Variants in USP34 observed in about 807,000 individuals in gnomAD.
USP34 encodes ubiquitin specific peptidase 34, also known as ubiquitin carboxyl-terminal hydrolase 34.
A neutral mutation model predicts 460.3 loss-of-function variants in USP34; 70 were observed. That is an observed-to-expected ratio of 0.15 (90% confidence interval 0.13 to 0.19). The LOEUF (loss-of-function observed/expected upper bound fraction) is 0.19, where lower values mean the gene tolerates loss of function less well. Among genes scored for constraint, USP34 ranks in the 10% least tolerant of loss-of-function variants. USP34 has a pLI of 1.00. For synonymous variants in USP34, 1,647 were observed against 1,405.3 expected, an observed-to-expected ratio of 1.17 and a Z score of -3.85; for missense variants, 3,985 against 4,236.2, an observed-to-expected ratio of 0.94 and a Z score of 1.65.
At chr2:61,332,500 T>C (rs1691300738) in intron 19 of USP34, among the ~76,000 whole-genome samples, 1 of 152,034 alleles carries the variant, frequency 6.6e-6, no homozygotes, top group Non-Finnish European at 1.5e-5. Flanking sequence ...CTTGATTAAG[T>C]AACTGAATAT....
chr2:61,291,831 A>G (rs1558512807), intron 33 of USP34, among the ~76,000 whole-genome samples: 1 of 152,230 alleles, frequency 6.6e-6, no homozygotes. Context: ...CAGTGTAGAA[A>G]TAACCCAAAT....
chr2:61,370,217 G>T (rs1386237938), intron 10 of USP34, 104 bp downstream of exon 10: 2 of 1,141,622 alleles, frequency 1.8e-6, no homozygotes, highest in Non-Finnish European at 2.5e-6. Flanking sequence ...TCCATGTCTT[G>T]GTCTCCTTAG....
chr2:61,291,337 T>C (rs546841781), intron 33 of USP34, among the ~76,000 whole-genome samples: 9 of 152,244 alleles, frequency 5.9e-5, no homozygotes, highest in South Asian at 2.1e-4. Context: ...CCCTCACACA[T>C]TGCTGGTAGA....
chr2:61,278,353 G>C (rs185943941), intron 40 of USP34, 35 bp downstream of exon 40: 2 of 1,606,730 alleles, frequency 1.2e-6, no homozygotes, highest in Non-Finnish European at 8.5e-7. Context: ...ATCTTTCCTC[G>C]ACAATATAAA....
In USP34 at chr2:61,194,573, G is replaced by A. The variant is rs564543656; in HGVS notation, c.9509-1593C>T. 6.6e-4 allele frequency among the ~76,000 whole-genome samples: 100 copies of A among 151,360 alleles called. 1 individual carries two copies. The highest frequency in any genetic ancestry group is 3.1e-3 in the South Asian group (15 of 4,814). The stretch of plus-strand genomic sequence containing the variant: ...AGTGCAGTGGCGTGATCACAGATCA[G>A]GGGCAGCCTTGAACCGCTGTGCTCA... On this transcript the variant is annotated intron_variant, in intron 75 of 79. Coordinates refer to ENST00000398571, the MANE Select transcript of USP34 (RefSeq NM_014709.4).
chr2:61,361,807 T>C (rs72886848), intron 10 of USP34, among the ~76,000 whole-genome samples: 2,259 of 152,144 alleles, frequency 0.015, 67 homozygotes, highest in African/African-American at 0.051. Context: ...AGCCAAAATA[T>C]ACAATTGAGA....
intron 27 of USP34, among the ~76,000 whole-genome samples, chr2:61,309,639 C>G (rs1572921720): frequency 1.3e-5 from 2 of 152,250 alleles, no homozygotes; most frequent in East Asian, 3.9e-4. Context: ...CCTCCATGTC[C>G]TACTGCTTGA....
At chr2:61,281,385 G>A (rs898455832) in intron 37 of USP34, 143 bp from the exon 38 acceptor site, 41 of 1,069,134 alleles carry the variant, frequency 3.8e-5, no homozygotes, top group Non-Finnish European at 5.1e-5. Flanking sequence ...GCCCAGGCAG[G>A]AGGATAACCT....
At chr2:61,412,579 G>T (rs1694072338) in intron 2 of USP34, among the ~76,000 whole-genome samples, 1 of 151,782 alleles carries the variant, frequency 6.6e-6, no homozygotes, top group African/African-American at 2.4e-5. Flanking sequence ...CCACAAAATA[G>T]AAAAAAATAT....
chr2:61,228,815 A>T lies in USP34; in HGVS notation c.7368+12T>A, dbSNP rs375776508. The T allele has an allele frequency of 1.9e-6, 3 of 1,597,846 alleles. No homozygotes were observed. The highest frequency in any genetic ancestry group is 2.6e-6 in the Non-Finnish European group (3 of 1,173,318). On this transcript the variant is annotated intron_variant, in intron 60 of 79. Transcript: ENST00000398571. Reference sequence around the variant, plus strand: ...GTAGATAATCAAAAAAATAGACAAGATATAGCCTCACCTCTTCTTCACCCA... The same window carrying T: ...GTAGATAATCAAAAAAATAGACAAGTTATAGCCTCACCTCTTCTTCACCCA...
At chr2:61,358,737 G>C (rs1692182665) in intron 10 of USP34, among the ~76,000 whole-genome samples, 1 of 152,100 alleles carries the variant, frequency 6.6e-6, no homozygotes, top group Admixed American at 6.5e-5. Context: ...ATCCACAGGA[G>C]AACTACTAAG....
chr2:61,399,170 C>A (rs1197300272), intron 3 of USP34, among the ~76,000 whole-genome samples: 3 of 151,930 alleles, frequency 2.0e-5, no homozygotes, highest in Non-Finnish European at 4.4e-5. Flanking sequence ...CTAACATGGT[C>A]TCTACTAAAA....
chr2:61,376,730 T>A (rs35760550), intron 8 of USP34, among the ~76,000 whole-genome samples: 50,642 of 151,706 alleles, frequency 0.33, 8,484 homozygotes, highest in Non-Finnish European at 0.38. Context: ...GTCACTGCAA[T>A]CTCTGTCTCC....
Position 61,228,992 on chromosome 2 carries a change from T to C in USP34, c.7203A>G (p.Ser2401=). ...LYLQPGMEDG[S]DDMDTSVEDI... Reference sequence around the variant, plus strand: ...CTTCTACTGAGGTATCCATATCATCTGACCTAAGAGACAATTAAATAGATC... The same window carrying C: ...CTTCTACTGAGGTATCCATATCATCCGACCTAAGAGACAATTAAATAGATC... The change falls in exon 60 of 80, where the codon TCA becomes TCG. Residue 2401 remains serine (S), a synonymous_variant. Transcript: ENST00000398571. The C allele has an allele frequency of 6.4e-7, 1 of 1,574,536 alleles. No individual in the cohort carries two copies. The highest frequency in any genetic ancestry group is 8.6e-7 in the Non-Finnish European group (1 of 1,160,844).
At chr2:61,419,028 G>C (rs555005753) in intron 2 of USP34, among the ~76,000 whole-genome samples, 2 of 152,244 alleles carry the variant, frequency 1.3e-5, no homozygotes, top group Non-Finnish European at 2.9e-5. Flanking sequence ...TAAGCACTTT[G>C]TTTTCTTACA....
At position 61,236,347 on chromosome 2, in the gene USP34, T is replaced by C. The variant is rs758545821; in HGVS notation, c.6820A>G (p.Ile2274Val). The C allele has an allele frequency of 1.9e-6, 3 of 1,604,648 alleles. No individual in the cohort carries two copies. Among genetic ancestry groups the C allele is most frequent in the Non-Finnish European group, 2.5e-6 (3 of 1,176,582 alleles). ...TACCCAAAATATGTATGTTCAAAAA[T>C]GTTTTTGTCTTGAAGAAACTGCATG... is the stretch of plus-strand genomic sequence containing the variant. Reference protein sequence around the residue: ...DNMQFLQDKNIFEHTYFGFMW... With the variant: ...DNMQFLQDKNVFEHTYFGFMW... The change falls in exon 54 of 80, where the codon ATT (isoleucine) becomes GTT (valine). Residue 2274 changes from isoleucine to valine, a missense_variant. Ile to Val is a conservative substitution (Grantham distance 29). Transcript: ENST00000398571.
intron 3 of USP34, among the ~76,000 whole-genome samples, chr2:61,398,419 G>A (rs990947762): frequency 2.1e-5 from 3 of 143,290 alleles, no homozygotes; most frequent in Middle Eastern, 3.5e-3. Context: ...GAGAAGGGGG[G>A]TGAAAGGGTA....
At chr2:61,288,010 A>AGAG in intron 34 of USP34, among the ~76,000 whole-genome samples, 1 of 152,314 alleles carries the variant, frequency 6.6e-6, no homozygotes, top group Non-Finnish European at 1.5e-5. Flanking sequence ...AGGATACTTG[A>AGAG]GAGACTCCTC....
At chr2:61,419,435 C>T (rs911054224) in intron 2 of USP34, among the ~76,000 whole-genome samples, 1 of 152,058 alleles carries the variant, frequency 6.6e-6, no homozygotes, top group African/African-American at 2.4e-5. Flanking sequence ...CCTAAAACTG[C>T]ACATATGAAA....
Sources: allele counts gnomAD v4.1 joint callset (sites outside exome capture counted in the v4.1 genomes callset), GRCh38; gene constraint gnomAD v4.1.1; transcripts MANE v1.5; gene names NCBI Gene and HGNC (gene_info 2026-07-23, HGNC 2026-07-21).